The following DLGAP2 variants were observed in gnomAD, a reference collection of about 807,000 sequenced individuals.
The protein encoded by DLGAP2 is disks large-associated protein 2.
In DLGAP2, 26 loss-of-function variants were observed where a neutral mutation model predicts 100.3. That is an observed-to-expected ratio of 0.26 (90% confidence interval 0.19 to 0.36). The LOEUF (loss-of-function observed/expected upper bound fraction) is 0.36. DLGAP2 is among the 10% of genes least tolerant of loss of function. The pLI, the probability that DLGAP2 is intolerant of heterozygous loss-of-function variation, is 1.00. For missense variants in DLGAP2, 1,858 were observed against 1,453.2 expected, an observed-to-expected ratio of 1.28 and a Z score of -4.53; for synonymous variants, 886 against 630.1, an observed-to-expected ratio of 1.41 and a Z score of -6.08.
At chr8:1,475,720 C>T (rs536631153) in intron 3 of DLGAP2, among the ~76,000 whole-genome samples, 1 of 152,270 alleles carries the variant, frequency 6.6e-6, no homozygotes, top group East Asian at 1.9e-4. Flanking sequence ...ACGAGTGGCA[C>T]CTGCCGGCTT....
intron 2 of DLGAP2, among the ~76,000 whole-genome samples, chr8:1,190,818 G>A (rs1797617789): frequency 6.6e-6 from 1 of 152,012 alleles, no homozygotes; most frequent in African/African-American, 2.4e-5. Flanking sequence ...GTCTGTAGGG[G>A]GCAGACCCAA....
chr8:1,199,006 C>G (rs972176875), intron 2 of DLGAP2, among the ~76,000 whole-genome samples: 3 of 152,246 alleles, frequency 2.0e-5, no homozygotes, highest in African/African-American at 7.2e-5. Flanking sequence ...TCAGCTGCTC[C>G]TTAAAATGCA....
At chr8:1,570,210 C>T (rs1375207669) in intron 6 of DLGAP2, among the ~76,000 whole-genome samples, 1 of 152,238 alleles carries the variant, frequency 6.6e-6, no homozygotes, top group Non-Finnish European at 1.5e-5. Context: ...ACATACACAT[C>T]CATGTGCCGT....
At chr8:1,638,082 C>G (rs1797811662) in intron 8 of DLGAP2, among the ~76,000 whole-genome samples, 1 of 152,168 alleles carries the variant, frequency 6.6e-6, no homozygotes, top group Non-Finnish European at 1.5e-5. Context: ...GGGACATGAG[C>G]TGAGAGGGAC....
chr8:1,525,669 C>T (rs181705515), intron 4 of DLGAP2, among the ~76,000 whole-genome samples: 29 of 152,370 alleles, frequency 1.9e-4, no homozygotes, highest in Admixed American at 1.9e-3. Flanking sequence ...CTGGGAGGTT[C>T]TTCCTGATCT....
At chr8:781,675 A>C (rs547407667) in intron 1 of DLGAP2, among the ~76,000 whole-genome samples, 1 of 152,342 alleles carries the variant, frequency 6.6e-6, no homozygotes, top group South Asian at 2.1e-4. Context: ...TTGGCTGAAC[A>C]TTTAAATGAC....
intron 1 of DLGAP2, among the ~76,000 whole-genome samples, chr8:740,739 T>G (rs1263198035): frequency 6.6e-6 from 1 of 152,182 alleles, no homozygotes; most frequent in Non-Finnish European, 1.5e-5. Context: ...ATGCTATAAT[T>G]TTTTTATTAT....
chr8:1,051,724 C>A (rs1802718590), intron 2 of DLGAP2, among the ~76,000 whole-genome samples: 1 of 152,100 alleles, frequency 6.6e-6, no homozygotes, highest in Admixed American at 6.5e-5. Context: ...GCAGATCCCG[C>A]CACGCTCAGC....
At position 1,464,393 on chromosome 8, in the gene DLGAP2, A is replaced by ACAACACCCTTCCAGG. The variant is rs1563165015; in HGVS notation, c.107-36973_107-36972insCAACACCCTTCCAGG. 8.8e-3 allele frequency among the ~76,000 whole-genome samples: 306 copies of ACAACACCCTTCCAGG among 34,968 alleles called. 131 individuals are homozygous for ACAACACCCTTCCAGG. In the East Asian group the frequency reaches 0.12, roughly 13 times the overall value. The allele number at this position is 34,968 out of a possible 152,430, so 22.9% of individuals were successfully genotyped here. A position where few individuals can be genotyped will look rare whatever the true frequency, so the allele number is the denominator to read the frequency against. ...CCCTTCCAGGATGGCACCCTTCCGG[A>ACAACACCCTTCCAGG]ATGGCATCCTTCCAGGACAGCTCCC... On this transcript the variant is annotated intron_variant, in intron 3 of 14. Transcript: ENST00000637795.
chr8:1,507,393 C>T (rs1287382125), intron 4 of DLGAP2, among the ~76,000 whole-genome samples: 1 of 152,182 alleles, frequency 6.6e-6, no homozygotes, highest in African/African-American at 2.4e-5. Flanking sequence ...CAGCTGCTGG[C>T]CCAGGTGCTG....
chr8:751,039 A>G (rs1228604023), intron 1 of DLGAP2, among the ~76,000 whole-genome samples: 366 of 128,328 alleles, frequency 2.9e-3, no homozygotes, highest in Middle Eastern at 4.3e-3. Context: ...CCTCTCACGG[A>G]AAGGAGCATT....
Position 1,678,323 on chromosome 8 carries a change from G to C in DLGAP2, c.2398G>C (p.Gly800Arg). 6.2e-7 allele frequency: 1 copy of C among 1,613,972 alleles called. No homozygotes were observed. The highest frequency in any genetic ancestry group is 8.5e-7 in the Non-Finnish European group (1 of 1,179,884). Residue 800 changes from glycine to arginine, a missense_variant, in exon 12 of 15, where the codon GGC becomes CGC. By Grantham distance (125) the Gly-to-Arg change is moderately radical. Transcript: ENST00000637795. ...ITTEDKGLQFGSSFQRHSEPS... is the reference protein window; with the variant it reads ...ITTEDKGLQFRSSFQRHSEPS... ...CACGGAGGACAAAGGCCTTCAGTTC[G>C]GCTCATCCTTCCAGCGGCACTCCGA...
chr8:1,462,769 C>CCTCCTGAA (rs1798497584), intron 3 of DLGAP2, among the ~76,000 whole-genome samples: 1 of 152,208 alleles, frequency 6.6e-6, no homozygotes, highest in South Asian at 2.1e-4. Flanking sequence ...GCCAGGGATG[C>CCTCCTGAA]CTCCTGAACA....
At chr8:970,600 T>TG (rs1163105655) in intron 2 of DLGAP2, among the ~76,000 whole-genome samples, 7 of 152,248 alleles carry the variant, frequency 4.6e-5, no homozygotes, top group Admixed American at 1.3e-4. Flanking sequence ...AGAATAACAC[T>TG]ATATTGTTTG....
intron 1 of DLGAP2, among the ~76,000 whole-genome samples, chr8:860,978 A>C (rs1319378156): frequency 6.6e-6 from 1 of 152,140 alleles, no homozygotes; most frequent in Non-Finnish European, 1.5e-5. Flanking sequence ...CCTGCTGGAC[A>C]AATATTCCAT....
At chr8:977,491 A>T (rs1485831157) in intron 2 of DLGAP2, among the ~76,000 whole-genome samples, 1 of 152,228 alleles carries the variant, frequency 6.6e-6, no homozygotes, top group Non-Finnish European at 1.5e-5. Context: ...ATCTTTCTCC[A>T]GTAAGGTATA....
At chr8:1,349,127 C>T (rs1391511347) in intron 3 of DLGAP2, among the ~76,000 whole-genome samples, 3 of 151,012 alleles carry the variant, frequency 2.0e-5, no homozygotes, top group Non-Finnish European at 2.9e-5. Context: ...GCCAGCAAGC[C>T]CATCAGGTCT....
intron 2 of DLGAP2, among the ~76,000 whole-genome samples, chr8:1,099,615 A>C: frequency 6.6e-6 from 1 of 152,314 alleles, no homozygotes; most frequent in African/African-American, 2.4e-5. Flanking sequence ...TTCTATGTGA[A>C]GCTTTGAAGC....
intron 5 of DLGAP2, among the ~76,000 whole-genome samples, chr8:1,563,822 C>G (rs999876180): frequency 1.3e-5 from 2 of 152,116 alleles, no homozygotes; most frequent in African/African-American, 4.8e-5. Context: ...CACGCAGATC[C>G]CTGCTGGTAG....
Sources: allele counts gnomAD v4.1 joint callset (sites outside exome capture counted in the v4.1 genomes callset), GRCh38; gene constraint gnomAD v4.1.1; transcripts MANE v1.5; gene names NCBI Gene and HGNC (gene_info 2026-07-23, HGNC 2026-07-21).